FBXO8: variants seen among roughly 807,000 people sequenced by gnomAD.
The protein encoded by FBXO8 is F-box protein 8, also known as F-box only protein 8.
FBXO8 carries 15 observed loss-of-function variants against 33.4 expected under a neutral mutation model. The ratio of observed to expected loss-of-function variants is 0.45; its 90% CI spans 0.30 to 0.69. The LOEUF (loss-of-function observed/expected upper bound fraction) is 0.69. Among genes scored for constraint, FBXO8 ranks in the 30% least tolerant of loss-of-function variants. The pLI, the probability that FBXO8 is intolerant of heterozygous loss-of-function variation, is 0.08. For missense variants in FBXO8, 274 were observed against 380.3 expected (o/e 0.72, Z 2.32); for synonymous variants, 132 against 131.5 (o/e 1.00, Z -0.02).
intron 5 of FBXO8, among the ~76,000 whole-genome samples, chr4:174,238,440 G>A (rs748720799): frequency 1.8e-4 from 28 of 151,510 alleles, no homozygotes; most frequent in Non-Finnish European, 3.5e-4. Context: ...AATCAGATAA[G>A]CACAATAAAA....
At chr4:174,260,006 AAAT>A (rs1166633759) in intron 2 of FBXO8, among the ~76,000 whole-genome samples, 181 bp from the exon 3 acceptor site, 1 of 152,074 alleles carries the variant, frequency 6.6e-6, no homozygotes, top group East Asian at 1.9e-4. Context: ...CAGATGCTTT[AAAT>A]TTAGCAATTT....
At position 174,277,028 on chromosome 4, in the gene FBXO8, A is replaced by C. The variant is rs938292427; in HGVS notation, c.-9+6382T>G. Reference sequence around the variant, plus strand: ...CTATATTGTTCTGACATAATTTTGGATGTATTTTTTTTAAAGTAGCAGTTT... The same window carrying C: ...CTATATTGTTCTGACATAATTTTGGCTGTATTTTTTTTAAAGTAGCAGTTT... On this transcript the variant is annotated intron_variant, in intron 1 of 5. Transcript: ENST00000393674. The surrounding 1 kb of genome is among the most constrained non-coding windows in gnomAD (Gnocchi z 4.9). 6.6e-6 allele frequency among the ~76,000 whole-genome samples: 1 copy of C among 152,076 alleles called. No homozygotes were observed. The highest frequency in any genetic ancestry group is 1.5e-5 in the Non-Finnish European group (1 of 68,010).
Position 174,253,456 on chromosome 4 carries a change from G to A in FBXO8, c.456+6243C>T, listed in dbSNP as rs180771643. On this transcript the variant is annotated intron_variant, in intron 3 of 5. Transcript: ENST00000393674. The surrounding 1 kb of genome is among the most constrained non-coding windows in gnomAD (Gnocchi z 4.5). ...AAGACCTAAACTGGCAAGAAGGTAG[G>A]GTCAGCTACCAACCAAATTGTTGTG... 6.6e-6 allele frequency among the ~76,000 whole-genome samples: 1 copy of A among 152,216 alleles called. No individual in the cohort carries two copies. The highest frequency in any genetic ancestry group is 1.9e-4 in the East Asian group (1 of 5,174).
chr4:174,274,534 G>T lies in FBXO8; in HGVS notation c.-9+8876C>A, dbSNP rs1736909258. ...TGGGATCTGTGAAATTTGGAGAGATGCCATTTACATAGCAAGGCCATAGTT... is the reference window on the plus strand; with the variant it reads ...TGGGATCTGTGAAATTTGGAGAGATTCCATTTACATAGCAAGGCCATAGTT... On this transcript the variant is annotated intron_variant, in intron 1 of 5. Coordinates refer to ENST00000393674, the MANE Select transcript of FBXO8 (RefSeq NM_012180.3). The surrounding 1 kb of genome is among the most constrained non-coding windows in gnomAD (Gnocchi z 4.0). 6.6e-6 allele frequency among the ~76,000 whole-genome samples: 1 copy of T among 152,158 alleles called. No homozygotes were observed. Among genetic ancestry groups the T allele is most frequent in the African/African-American group, 2.4e-5 (1 of 41,438 alleles).
At chr4:174,239,351 CTAAG>C (rs1460881203) in intron 4 of FBXO8, among the ~76,000 whole-genome samples, 161 bp from the exon 5 acceptor site, 1 of 151,364 alleles carries the variant, frequency 6.6e-6, no homozygotes, top group Non-Finnish European at 1.5e-5. Context: ...ATTAAAAAAT[CTAAG>C]TATGATTATT....
intron 1 of FBXO8, among the ~76,000 whole-genome samples, chr4:174,266,614 G>C (rs1163913282): frequency 3.3e-5 from 5 of 152,160 alleles, no homozygotes; most frequent in Non-Finnish European, 5.9e-5. Flanking sequence ...CATTGTATAA[G>C]TTGTAAAGCA....
chr4:174,248,177 G>A (rs746879378), intron 3 of FBXO8, among the ~76,000 whole-genome samples: 1 of 151,910 alleles, frequency 6.6e-6, no homozygotes, highest in Non-Finnish European at 1.5e-5. Flanking sequence ...TCTGCTTTCT[G>A]TAATTTTCCA....
In FBXO8 at chr4:174,263,440, G is replaced by A. The variant is rs1456998254; in HGVS notation, c.-8-340C>T. Among the ~76,000 whole-genome samples the A allele has an allele frequency of 1.3e-5, 2 of 152,072 alleles. No homozygotes were observed. Among genetic ancestry groups the A allele is most frequent in the South Asian group, 2.1e-4 (1 of 4,816 alleles). The stretch of plus-strand genomic sequence containing the variant: ...ACAAATTATAATTATGTGGACTTAT[G>A]GGCCAGTATTAAATACAGCTCTGAT... On this transcript the variant is annotated intron_variant, in intron 1 of 5. Transcript: ENST00000393674. The surrounding 1 kb of genome is among the most constrained non-coding windows in gnomAD (Gnocchi z 4.2).
At position 174,267,970 on chromosome 4, in the gene FBXO8, T is replaced by C. The variant is rs914521816; in HGVS notation, c.-8-4870A>G. ...ATTTTGTGATGAAACTACAGCTTTA[T>C]TTGTTCACTCAAAATAGGTGGAGAA... On this transcript the variant is annotated intron_variant, in intron 1 of 5. Transcript: ENST00000393674. This position sits in a 1 kb window ranked among gnomAD's most constrained non-coding sequence, Gnocchi z 4.7. Among the ~76,000 whole-genome samples the C allele has an allele frequency of 2.0e-5, 3 of 152,244 alleles. No homozygotes were observed. The highest frequency in any genetic ancestry group is 4.8e-5 in the African/African-American group (2 of 41,456).
chr4:174,279,027 T>G (rs888154134), intron 1 of FBXO8, among the ~76,000 whole-genome samples: 1 of 151,986 alleles, frequency 6.6e-6, no homozygotes, highest in Non-Finnish European at 1.5e-5. Context: ...AGGTCTTTTT[T>G]AGCTATAAAA....
rs138747483 is a variant in FBXO8 at position 174,268,485 on chromosome 4, T to G, written c.-8-5385A>C. On this transcript the variant is annotated intron_variant, in intron 1 of 5. Transcript: ENST00000393674. ...TCTCGCTGTGTCGCCCAAGCTGGAG[T>G]GCAGTGGCGCGATCTCGGCTCACTG... Among the ~76,000 whole-genome samples the G allele has an allele frequency of 1.5e-3, 230 of 152,250 alleles. 1 individual carries two copies. The highest frequency in any genetic ancestry group is 5.2e-3 in the African/African-American group (215 of 41,558).
Position 174,277,589 on chromosome 4 carries a change from T to A in FBXO8, c.-9+5821A>T, listed in dbSNP as rs1736988063. Among the ~76,000 whole-genome samples, 1 of 152,188 alleles carries A rather than the reference T, an allele frequency of 6.6e-6. No individual in the cohort carries two copies. Among genetic ancestry groups the A allele is most frequent in the Admixed American group, 6.5e-5 (1 of 15,284 alleles). On this transcript the variant is annotated intron_variant, in intron 1 of 5. Transcript: ENST00000393674. The surrounding 1 kb of genome is among the most constrained non-coding windows in gnomAD (Gnocchi z 4.9). ...AAAAGCATTCTGCTTTAAGTACTTT[T>A]GTTTGAAGCAAACCAATTCCATAAA...
Position 174,256,114 on chromosome 4 carries a change from C to T in FBXO8, c.456+3585G>A, listed in dbSNP as rs769413153. On this transcript the variant is annotated intron_variant, in intron 3 of 5. Transcript: ENST00000393674. This position sits in a 1 kb window ranked among gnomAD's most constrained non-coding sequence, Gnocchi z 4.6. ...TGGTTACCCATATCCGTGACATGAA[C>T]GGTGTCCTTTGGAGAATCTTGTTCC... 4.8e-5 allele frequency: 22 copies of T among 456,006 alleles called. No individual in the cohort carries two copies. Among genetic ancestry groups the T allele is most frequent in the Non-Finnish European group, 8.8e-5 (20 of 226,902 alleles). 28.2% of individuals were successfully genotyped at this position (456,006 alleles called of 1,614,324 possible).
intron 4 of FBXO8, among the ~76,000 whole-genome samples, chr4:174,240,332 C>CA (rs1736004336): frequency 6.6e-6 from 1 of 151,648 alleles, no homozygotes. Context: ...ACTACTCTAG[C>CA]AAAGTTTCTG....
rs767582805 is a variant in FBXO8 at position 174,263,479 on chromosome 4, T to G, written c.-8-379A>C. On this transcript the variant is annotated intron_variant, in intron 1 of 5. Coordinates refer to ENST00000393674, the MANE Select transcript of FBXO8 (RefSeq NM_012180.3). This position sits in a 1 kb window ranked among gnomAD's most constrained non-coding sequence, Gnocchi z 4.2. The stretch of plus-strand genomic sequence containing the variant: ...TACAGCTCTGATCAGAGCACGGACT[T>G]TAGTTAAAAGGCCTCCAGACCCTGC... 3.3e-5 allele frequency among the ~76,000 whole-genome samples: 5 copies of G among 152,166 alleles called. No individual in the cohort carries two copies. Among genetic ancestry groups the G allele is most frequent in the African/African-American group, 7.2e-5 (3 of 41,432 alleles).
rs1736980379 is a variant in FBXO8, at chr4:174,277,206, T to C, written c.-9+6204A>G. ...TTTTAACTTCTAGAAGATCGTTACA[T>C]TTCTAAGAGATGGTATTTTTGACTA... On this transcript the variant is annotated intron_variant, in intron 1 of 5. Transcript: ENST00000393674. The surrounding 1 kb of genome is among the most constrained non-coding windows in gnomAD (Gnocchi z 4.9). Among the ~76,000 whole-genome samples, 1 of 152,160 alleles carries C rather than the reference T, an allele frequency of 6.6e-6. No individual in the cohort carries two copies. Among genetic ancestry groups the C allele is most frequent in the South Asian group, 2.1e-4 (1 of 4,826 alleles).
In FBXO8 at chr4:174,237,212, T is replaced by A; in HGVS notation, c.*200A>T. ...TTGTGCAAAACGTGATAAACAAAATTAGGAAAAATTCTGCAAAATTATTTA... is the reference window on the plus strand; with the variant it reads ...TTGTGCAAAACGTGATAAACAAAATAAGGAAAAATTCTGCAAAATTATTTA... On this transcript the variant is annotated 3_prime_UTR_variant, in exon 6 of 6. Coordinates refer to ENST00000393674, the MANE Select transcript of FBXO8 (RefSeq NM_012180.3). The surrounding 1 kb of genome is among the most constrained non-coding windows in gnomAD (Gnocchi z 4.4). 2.1e-6 allele frequency: 1 copy of A among 481,894 alleles called. No homozygotes were observed. Among genetic ancestry groups the A allele is most frequent in the Middle Eastern group, 5.5e-4 (1 of 1,828 alleles). The allele number at this position is 481,894 out of a possible 1,614,324, so 29.9% of individuals were successfully genotyped here. A position where few individuals can be genotyped will look rare whatever the true frequency, so the allele number is the denominator to read the frequency against.
At chr4:174,276,023 AAAGT>A (rs930455370) in intron 1 of FBXO8, among the ~76,000 whole-genome samples, 2 of 152,136 alleles carry the variant, frequency 1.3e-5, no homozygotes, top group African/African-American at 4.8e-5. Flanking sequence ...ATTTAAAAAC[AAAGT>A]AATAAGCTAT....
At position 174,265,608 on chromosome 4, in the gene FBXO8, A is replaced by G. The variant is rs191740985; in HGVS notation, c.-8-2508T>C. 3.6e-3 allele frequency among the ~76,000 whole-genome samples: 546 copies of G among 152,288 alleles called. 1 individual carries two copies. Among genetic ancestry groups the G allele is most frequent in the Non-Finnish European group, 6.1e-3 (413 of 67,990 alleles). Reference sequence around the variant, plus strand: ...TGTTAAGTAAAAGAAGCAAATCTAAAAAAGTTCTTTACTGTATGATTCTAA... The same window carrying G: ...TGTTAAGTAAAAGAAGCAAATCTAAGAAAGTTCTTTACTGTATGATTCTAA... On this transcript the variant is annotated intron_variant, in intron 1 of 5. Coordinates refer to ENST00000393674, the MANE Select transcript of FBXO8 (RefSeq NM_012180.3). The surrounding 1 kb of genome is among the most constrained non-coding windows in gnomAD (Gnocchi z 4.7).
Sources: gnomAD v4.1 joint callset for allele counts (sites outside exome capture counted in the v4.1 genomes callset) on GRCh38, gnomAD v4.1.1 for gene constraint, Gnocchi (gnomAD v3.1) non-coding constraint, MANE v1.5 for transcripts, NCBI Gene and HGNC (gene_info 2026-07-23, HGNC 2026-07-21) for gene names.